The following TAF6 variants were observed in gnomAD, a reference collection of about 807,000 sequenced individuals.
TAF6 encodes TATA-box binding protein associated factor 6, also known as transcription initiation factor TFIID subunit 6.
A neutral mutation model predicts 73.5 loss-of-function variants in TAF6; 50 were observed. The observed-to-expected ratio is 0.68, with a 90% confidence interval of 0.54 to 0.86. The LOEUF (loss-of-function observed/expected upper bound fraction) is 0.86, where lower values mean the gene tolerates loss of function less well. Among genes scored for constraint, TAF6 ranks in the 40% least tolerant of loss-of-function variants. TAF6 has a pLI of 0.00. For missense variants in TAF6, 768 were observed against 899.5 expected (o/e 0.85, Z 1.87); for synonymous variants, 424 against 376.7 (o/e 1.13, Z -1.45).
Position 100,113,639 on chromosome 7 carries a change from A to G in TAF6, c.374T>C (p.Val125Ala). The G allele has an allele frequency of 6.2e-7, 1 of 1,613,546 alleles. No individual in the cohort carries two copies. The highest frequency in any genetic ancestry group is 2.2e-5 in the East Asian group (1 of 44,844). ...SDIINTPLPRVPLDVCLKAHW... is the reference protein window; with the variant it reads ...SDIINTPLPRAPLDVCLKAHW... Reference sequence around the variant, plus strand: ...ACCTTTGAGGCAGACGTCCAGGGGCACCCGGGGCAGAGGGGTATTGATGAT... The same window carrying G: ...ACCTTTGAGGCAGACGTCCAGGGGCGCCCGGGGCAGAGGGGTATTGATGAT... Residue 125 changes from valine (V) to alanine (A), a missense_variant, in exon 4 of 15, where the codon GTG becomes GCG. Val to Ala is a moderately conservative substitution (Grantham distance 64). Around this residue, in one of 5 missense-constraint regions of TAF6, gnomAD observed 269 missense variants for 268.0 expected, o/e 1.00. Transcript: ENST00000453269.
intron 14 of TAF6, 150 bp from the exon 15 acceptor site, chr7:100,107,773 G>C (rs997403760): frequency 3.6e-6 from 5 of 1,395,478 alleles, no homozygotes; most frequent in Non-Finnish European, 4.8e-6. Context: ...TGTTCATGCA[G>C]GGCAGCTACA....
At position 100,110,203 on chromosome 7, in the gene TAF6, G is replaced by C. The variant is rs191382984; in HGVS notation, c.1155C>G (p.His385Gln). 38 of 1,613,926 alleles carry C rather than the reference G, an allele frequency of 2.4e-5. No homozygotes were observed. The South Asian group carries it at 2.9e-4, about 12-fold the overall frequency. Reference sequence around the variant, plus strand: ...TTCTTCCTCCCAGAGGCCTAACATCGTGTCCCAGCTCAGCCAAGCCTGCGA... The same window carrying C: ...TTCTTCCTCCCAGAGGCCTAACATCCTGTCCCAGCTCAGCCAAGCCTGCGA... ...GSIAGLAELG[H>Q]DVIKTLILPR... Residue 385 changes from histidine to glutamine, a missense_variant, in exon 11 of 15, where the codon CAC (histidine) becomes CAG (glutamine). Physicochemically the swap from His to Gln is conservative, Grantham distance 24 (BLOSUM62 0). This residue lies in a region of TAF6 where 69 missense variants were observed against 105.4 expected (regional missense o/e 0.65). Transcript: ENST00000453269.
chr7:100,126,629 CAAA>C, the TAF6 span: 1 of 149,884 alleles, frequency 6.7e-6, no homozygotes, highest in Admixed American at 6.6e-5. Context: ...ACCGTGTCTC[CAAA>C]AAAAAAGAGA....
intron 1 of TAF6, among the ~76,000 whole-genome samples, chr7:100,117,949 G>A (rs1562934696): frequency 6.6e-6 from 1 of 152,004 alleles, no homozygotes; most frequent in Non-Finnish European, 1.5e-5. Context: ...AGGCTGCTGA[G>A]GCAGGAGAAT....
upstream of TAF6, chr7:100,119,849 C>G (rs780809364): frequency 1.2e-6 from 2 of 1,612,118 alleles, no homozygotes; most frequent in South Asian, 2.2e-5. Flanking sequence ...AACGCTTGCC[C>G]AGCAAATGCG....
chr7:100,107,992 C>T lies in TAF6; in HGVS notation c.1590G>A (p.Gln530=). Residue 530 remains glutamine, a synonymous_variant, in exon 14 of 15, where the codon CAG becomes CAA. Coordinates refer to ENST00000453269, the MANE Select transcript of TAF6 (RefSeq NM_139315.3). The stretch of plus-strand genomic sequence containing the variant: ...TAAACTTGGTTGGAGGAGGGGAAGG[C>T]TGTGGTGGGGCAGCCGCTCGTGCAG... ...LVSARAAAPP[Q]PSPPPTKFIV... is the part of the protein sequence containing the mutation. 1 of 1,613,954 alleles carries T rather than the reference C, an allele frequency of 6.2e-7. No homozygotes were observed. Among genetic ancestry groups the T allele is most frequent in the South Asian group, 1.1e-5 (1 of 91,062 alleles).
chr7:100,114,663 T>G, intron 1 of TAF6: 1 of 331,276 alleles, frequency 3.0e-6, no homozygotes, highest in Admixed American at 4.6e-5. Context: ...GAGGTTGCAG[T>G]GAGCCGAGAT....
chr7:100,117,632 A>G (rs900122897), intron 1 of TAF6, among the ~76,000 whole-genome samples: 11 of 152,066 alleles, frequency 7.2e-5, no homozygotes, highest in Non-Finnish European at 1.3e-4. Context: ...GACATCATAA[A>G]TATTTGTGAA....
At chr7:100,107,663 T>C in intron 14 of TAF6, 40 bp from the exon 15 acceptor site, 1 of 1,596,910 alleles carries the variant, frequency 6.3e-7, no homozygotes. Flanking sequence ...CCCTGTGCCC[T>C]CCCTGCCCCC....
chr7:100,109,818 G>A, intron 12 of TAF6, 130 bp downstream of exon 12: 1 of 1,377,908 alleles, frequency 7.3e-7, no homozygotes, highest in East Asian at 2.3e-5. Flanking sequence ...CTGTAAAATA[G>A]TATCAGACTC....
At position 100,107,648 on chromosome 7, in the gene TAF6, G is replaced by A. The variant is rs533091470; in HGVS notation, c.1657-25C>T. The A allele has an allele frequency of 7.2e-5, 115 of 1,604,972 alleles. No individual in the cohort carries two copies. In the East Asian group the frequency reaches 1.0e-3, roughly 14 times the overall value. On this transcript the variant is annotated intron_variant, in intron 14 of 14. Coordinates refer to ENST00000453269, the MANE Select transcript of TAF6 (RefSeq NM_139315.3). Reference sequence around the variant, plus strand: ...CCTGGATAGAAAGGAAAGGCAGGCCGCTTGCCCTGTGCCCTCCCTGCCCCC... The same window carrying A: ...CCTGGATAGAAAGGAAAGGCAGGCCACTTGCCCTGTGCCCTCCCTGCCCCC...
Position 100,114,150 on chromosome 7 carries a change from C to T in TAF6, c.60G>A (p.Lys20=), listed in dbSNP as rs1478473230. Residue 20 remains lysine (K), a synonymous_variant, in exon 2 of 15, where the codon AAG becomes AAA. Transcript: ENST00000453269. ...SNTVLPSESM[K]VVAESMGIAQ... ...CGATGCCCATGGATTCAGCCACCAC[C>T]TTCATGGACTCCGAGGGCAGCACAG... The T allele has an allele frequency of 1.9e-6, 3 of 1,614,120 alleles. No homozygotes were observed. The highest frequency in any genetic ancestry group is 2.7e-5 in the African/African-American group (2 of 74,936).
chr7:100,115,332 C>T (rs1797586016), intron 1 of TAF6: 1 of 152,254 alleles, frequency 6.6e-6, no homozygotes, highest in Non-Finnish European at 1.5e-5. Flanking sequence ...TGCCATCCAT[C>T]CAGACACTTG....
upstream of TAF6, among the ~76,000 whole-genome samples, chr7:100,123,768 C>T (rs1393219555): frequency 2.0e-5 from 3 of 152,216 alleles, no homozygotes; most frequent in Admixed American, 1.3e-4. Flanking sequence ...GATCCACCCG[C>T]CTTGGCCTCC....
upstream of TAF6, among the ~76,000 whole-genome samples, chr7:100,121,866 C>A (rs979022975): frequency 6.9e-6 from 1 of 145,930 alleles, no homozygotes; most frequent in Non-Finnish European, 1.5e-5. Context: ...CTGGCTAACA[C>A]GGTGAAACCC....
chr7:100,108,854 T>C (rs1476141640), intron 12 of TAF6: 1 of 228,250 alleles, frequency 4.4e-6, no homozygotes, highest in Non-Finnish European at 8.6e-6. Flanking sequence ...AGAAACCTCA[T>C]CTCCACTAAA....
At chr7:100,122,830 G>A (rs536929052), upstream of TAF6, 7 of 1,614,030 alleles carry the variant, frequency 4.3e-6, no homozygotes, top group African/African-American at 6.7e-5. Context: ...GTGCAGAAGG[G>A]GGTGAAGGTG....
In TAF6 at chr7:100,107,311, C is replaced by G. The variant is rs752762789; in HGVS notation, c.1969G>C (p.Ala657Pro). ...KQEAGDSPPP[A>P]PGTPKANGSQ... is the part of the protein sequence containing the mutation. ...CCATTGGCTTTTGGAGTCCCTGGAG[C>G]TGGAGGGGGACTGTCCCCAGCCTCC... is the stretch of plus-strand genomic sequence containing the variant. Residue 657 changes from alanine to proline, a missense_variant, in exon 15 of 15, where the codon GCT (alanine) becomes CCT (proline). By Grantham distance (27) the Ala-to-Pro change is conservative. This residue lies in a region of TAF6 where 350 missense variants were observed against 352.3 expected (regional missense o/e 0.99). Coordinates refer to ENST00000453269, the MANE Select transcript of TAF6 (RefSeq NM_139315.3). 3 of 1,530,476 alleles carry G rather than the reference C, an allele frequency of 2.0e-6. No homozygotes were observed. Among genetic ancestry groups the G allele is most frequent in the Admixed American group, 2.1e-5 (1 of 47,330 alleles). The allele number at this position is 1,530,476 out of a possible 1,614,324, so 94.8% of individuals were successfully genotyped here.
At position 100,114,373 on chromosome 7, in the gene TAF6, A is replaced by C. The variant is rs756627313; in HGVS notation, c.-59-105T>G. 7.8e-6 allele frequency: 9 copies of C among 1,149,616 alleles called. No individual in the cohort carries two copies. The South Asian group carries it at 1.2e-4, about 15-fold the overall frequency. The allele number at this position is 1,149,616 out of a possible 1,614,324, so 71.2% of individuals were successfully genotyped here. On this transcript the variant is annotated intron_variant, in intron 1 of 14. Transcript: ENST00000453269. ...ACAGGGGAGGAACTCCGAGTGTCTT[A>C]TGTCCATCCCCACGTGAGTCAGCCC... is the stretch of plus-strand genomic sequence containing the variant.
Sources: allele counts gnomAD v4.1 joint callset (sites outside exome capture counted in the v4.1 genomes callset), GRCh38; gene constraint gnomAD v4.1.1; regional missense constraint gnomAD v4.1.1; transcripts MANE v1.5; gene names NCBI Gene and HGNC (gene_info 2026-07-23, HGNC 2026-07-21).